MDGA2: variants seen among roughly 807,000 people sequenced by gnomAD.
MDGA2 encodes the protein MAM domain-containing glycosylphosphatidylinositol anchor protein 2.
In MDGA2, 40 loss-of-function variants were observed where a neutral mutation model predicts 117.8. That is an observed-to-expected ratio of 0.34 (90% CI 0.26 to 0.44). MDGA2 has a LOEUF of 0.44. Among genes scored for constraint, MDGA2 ranks in the 20% least tolerant of loss-of-function variants. MDGA2 has a pLI of 1.00. For synonymous variants in MDGA2, 452 were observed against 439.0 expected (o/e 1.03, Z -0.37); for missense variants, 1,123 against 1,250.6 (o/e 0.90, Z 1.54).
intron 3 of MDGA2, among the ~76,000 whole-genome samples, chr14:47,215,647 G>A (rs779784971): frequency 2.0e-5 from 3 of 152,086 alleles, no homozygotes; most frequent in Non-Finnish European, 2.9e-5. Context: ...TTAAATATAT[G>A]TTTACATCCG....
intron 2 of MDGA2, among the ~76,000 whole-genome samples, chr14:47,232,919 G>A (rs1483345102): frequency 6.6e-6 from 1 of 152,096 alleles, no homozygotes; most frequent in African/African-American, 2.4e-5. Context: ...TCAACAGAGT[G>A]TGAACAATCA....
At chr14:47,664,340 C>G (rs539081264) in intron 1 of MDGA2, among the ~76,000 whole-genome samples, 1 of 151,678 alleles carries the variant, frequency 6.6e-6, no homozygotes, top group East Asian at 1.9e-4. Flanking sequence ...GGTCTAAAAA[C>G]TAAATGATAG....
intron 1 of MDGA2, among the ~76,000 whole-genome samples, chr14:47,665,810 C>T: frequency 1.1e-4 from 1 of 9,018 alleles, no homozygotes; most frequent in African/African-American, 4.2e-4. Context: ...TCCCTCGCCC[C>T]CCCTCCCCCC....
chr14:47,594,490 A>G (rs12892437), intron 1 of MDGA2, among the ~76,000 whole-genome samples: 139 of 152,328 alleles, frequency 9.1e-4, no homozygotes, highest in Non-Finnish European at 1.7e-3. Flanking sequence ...TTGGAAAGGT[A>G]TAATAAATTA....
At chr14:47,059,304 T>G in intron 7 of MDGA2, 1 of 1,267,554 alleles carries the variant, frequency 7.9e-7, no homozygotes, top group South Asian at 1.2e-5. Flanking sequence ...CACATCTATC[T>G]GTAGTTAAGT....
chr14:47,357,059 G>C (rs1292398603), intron 1 of MDGA2, among the ~76,000 whole-genome samples: 1 of 152,196 alleles, frequency 6.6e-6, no homozygotes, highest in Non-Finnish European at 1.5e-5. Flanking sequence ...AGTGTTATGA[G>C]ACTACTTCTC....
chr14:46,947,287 A>C lies in MDGA2; in HGVS notation c.2089+10087T>G, dbSNP rs183111943. On this transcript the variant is annotated intron_variant, in intron 9 of 16. Coordinates refer to ENST00000399232, the MANE Select transcript of MDGA2 (RefSeq NM_001113498.3). The stretch of plus-strand genomic sequence containing the variant: ...CTGCATGTCAAGTTGCACAAAGTTT[A>C]ATGTCTATATAATTCTAAATCCTGT... 4.9e-4 allele frequency among the ~76,000 whole-genome samples: 74 copies of C among 152,234 alleles called. 2 individuals carry two copies. In the South Asian group the frequency reaches 8.9e-3, roughly 18 times the overall value.
chr14:47,617,848 G>A (rs1896974920), intron 1 of MDGA2, among the ~76,000 whole-genome samples: 2 of 151,764 alleles, frequency 1.3e-5, no homozygotes, highest in Non-Finnish European at 2.9e-5. Flanking sequence ...GGGAATGGTG[G>A]GTAAATTCAT....
At chr14:47,493,925 GA>G (rs1301072228) in intron 1 of MDGA2, among the ~76,000 whole-genome samples, 1 of 152,084 alleles carries the variant, frequency 6.6e-6, no homozygotes, top group Non-Finnish European at 1.5e-5. Context: ...ATTTCATCTT[GA>G]ATTATAACCC....
chr14:46,965,320 CTA>C (rs1029818772), intron 8 of MDGA2, among the ~76,000 whole-genome samples: 1 of 147,446 alleles, frequency 6.8e-6, no homozygotes, highest in African/African-American at 2.6e-5. Flanking sequence ...TAGACTCTCT[CTA>C]TATATGAATG....
At chr14:47,625,191 G>T (rs34428393) in intron 1 of MDGA2, among the ~76,000 whole-genome samples, 1 of 151,796 alleles carries the variant, frequency 6.6e-6, no homozygotes, top group African/African-American at 2.4e-5. Context: ...ATTTATCTTG[G>T]AATGCTTTTC....
At chr14:47,081,940 T>C (rs1218454329) in intron 6 of MDGA2, among the ~76,000 whole-genome samples, 1 of 152,130 alleles carries the variant, frequency 6.6e-6, no homozygotes, top group African/African-American at 2.4e-5. Flanking sequence ...TCATATTTTG[T>C]TACATTTTTT....
At chr14:46,864,971 T>C (rs1008487182) in intron 14 of MDGA2, among the ~76,000 whole-genome samples, 5 of 152,050 alleles carry the variant, frequency 3.3e-5, no homozygotes, top group African/African-American at 4.8e-5. Flanking sequence ...TTTAAAATAA[T>C]GGCTCCTTAT....
rs929616473 is a variant in MDGA2, at chr14:47,534,277, C to T, written c.280+140240G>A. 3.6e-4 allele frequency among the ~76,000 whole-genome samples: 55 copies of T among 152,080 alleles called. 1 individual carries two copies. The highest frequency in any genetic ancestry group is 6.5e-5 in the Admixed American group (1 of 15,272). On this transcript the variant is annotated intron_variant, in intron 1 of 16. Transcript: ENST00000399232. Reference sequence around the variant, plus strand: ...GTGTGATTGAGGGAGAAGCTGGTAGCTTCAATAAAAGATCAAGTAACAATG... The same window carrying T: ...GTGTGATTGAGGGAGAAGCTGGTAGTTTCAATAAAAGATCAAGTAACAATG...
chr14:47,214,065 A>G (rs1471320572), intron 3 of MDGA2, among the ~76,000 whole-genome samples: 1 of 152,094 alleles, frequency 6.6e-6, no homozygotes, highest in East Asian at 1.9e-4. Context: ...AAAACTCACT[A>G]TCACGAGAAC....
intron 1 of MDGA2, among the ~76,000 whole-genome samples, chr14:47,640,411 C>A (rs1419808071): frequency 6.6e-6 from 1 of 152,088 alleles, no homozygotes; most frequent in Non-Finnish European, 1.5e-5. Flanking sequence ...GTCTTTCCTG[C>A]CTCCAATTTT....
chr14:46,878,042 TTTTG>T (rs1882299747), intron 11 of MDGA2, among the ~76,000 whole-genome samples: 3 of 151,984 alleles, frequency 2.0e-5, no homozygotes, highest in Non-Finnish European at 2.9e-5. Flanking sequence ...ATCAATGCCT[TTTTG>T]TTTAATTACA....
At chr14:47,641,816 C>T (rs1222366861) in intron 1 of MDGA2, among the ~76,000 whole-genome samples, 1 of 152,046 alleles carries the variant, frequency 6.6e-6, no homozygotes, top group Non-Finnish European at 1.5e-5. Flanking sequence ...ATATAAAATG[C>T]CATTTCAGAA....
intron 2 of MDGA2, among the ~76,000 whole-genome samples, chr14:47,279,752 C>T (rs1888416090): frequency 6.6e-6 from 1 of 152,034 alleles, no homozygotes; most frequent in African/African-American, 2.4e-5. Flanking sequence ...CACACACCTA[C>T]CCATTCCCCT....
Sources: gnomAD v4.1 joint callset for allele counts (sites outside exome capture counted in the v4.1 genomes callset) on GRCh38, gnomAD v4.1.1 for gene constraint, MANE v1.5 for transcripts, NCBI Gene and HGNC (gene_info 2026-07-23, HGNC 2026-07-21) for gene names.